NEK10: variants seen among roughly 807,000 people sequenced by gnomAD.
NEK10 encodes NIMA related kinase 10, also known as serine/threonine-protein kinase Nek10.
NEK10 carries 122 observed loss-of-function variants against 159.8 expected under a neutral mutation model. That is an observed-to-expected ratio of 0.76 (90% CI 0.66 to 0.89). The LOEUF is 0.89. Among genes scored for constraint, NEK10 ranks in the 40% least tolerant of loss-of-function variants. The pLI, the probability that NEK10 is intolerant of heterozygous loss-of-function variation, is 0.00. For missense variants in NEK10, 1,342 were observed against 1,323.1 expected, an observed-to-expected ratio of 1.01 and a Z score of -0.22; for synonymous variants, 466 against 457.1, an observed-to-expected ratio of 1.02 and a Z score of -0.25.
At chr3:27,129,568 G>T (rs1344859126) in intron 32 of NEK10, among the ~76,000 whole-genome samples, 1 of 152,118 alleles carries the variant, frequency 6.6e-6, no homozygotes, top group Admixed American at 6.6e-5. Context: ...TTTAAGTTTA[G>T]ATGAAGGCAG....
At chr3:27,259,762 A>C (rs2040231674) in intron 22 of NEK10, among the ~76,000 whole-genome samples, 1 of 152,180 alleles carries the variant, frequency 6.6e-6, no homozygotes, top group Admixed American at 6.5e-5. Flanking sequence ...GAAGAAAATC[A>C]TTGGTAGCTT....
At chr3:27,296,723 TATA>T (rs1186670909) in intron 14 of NEK10, among the ~76,000 whole-genome samples, 1 of 152,204 alleles carries the variant, frequency 6.6e-6, no homozygotes, top group African/African-American at 2.4e-5. Context: ...TAGCTGTACA[TATA>T]GTAGATTAAT....
chr3:27,297,261 T>C (rs1433343425), intron 13 of NEK10, 21 bp from the exon 14 acceptor site: 2 of 1,533,348 alleles, frequency 1.3e-6, no homozygotes, highest in South Asian at 1.1e-5. Context: ...AACAATCAAA[T>C]GCATAGTGTG....
chr3:27,129,995 C>G (rs1942422652), intron 32 of NEK10, among the ~76,000 whole-genome samples: 1 of 151,950 alleles, frequency 6.6e-6, no homozygotes, highest in Non-Finnish European at 1.5e-5. Context: ...AGGCCTGCCT[C>G]TCTGACTAAG....
At chr3:27,246,543 G>C (rs1266621442) in intron 23 of NEK10, among the ~76,000 whole-genome samples, 1 of 152,070 alleles carries the variant, frequency 6.6e-6, no homozygotes. Context: ...CAAGCATTGT[G>C]TTAAAACAAT....
chr3:27,131,535 T>C (rs989219692), intron 32 of NEK10, among the ~76,000 whole-genome samples: 3 of 152,112 alleles, frequency 2.0e-5, no homozygotes, highest in African/African-American at 7.2e-5. Context: ...TTCTTCAGAG[T>C]GACAAATCTC....
At chr3:27,336,826 T>A (rs2046836349) in intron 5 of NEK10, among the ~76,000 whole-genome samples, 1 of 152,074 alleles carries the variant, frequency 6.6e-6, no homozygotes. Context: ...CTCAACAAAC[T>A]ACGCATAGAA....
At chr3:27,365,619 T>TTTTTTTTTTTTTTTG (rs1559571627) in intron 1 of NEK10, among the ~76,000 whole-genome samples, 5 of 137,826 alleles carry the variant, frequency 3.6e-5, no homozygotes, top group African/African-American at 5.5e-5. Context: ...TGTTTTTTTT[T>TTTTTTTTTTTTTTTG]TTTTTTTTTT....
intron 22 of NEK10, 67 bp downstream of exon 22, chr3:27,284,535 G>T: frequency 2.2e-6 from 2 of 897,474 alleles, no homozygotes; most frequent in Non-Finnish European, 3.7e-6. Context: ...AGTTCTACTG[G>T]ACACTACTAC....
At chr3:27,331,262 A>AAAAACACAC in intron 5 of NEK10, among the ~76,000 whole-genome samples, 4 of 110,144 alleles carry the variant, frequency 3.6e-5, no homozygotes, top group African/African-American at 1.2e-4. Flanking sequence ...AAAAAAAAAA[A>AAAAACACAC]ACACACAAAC....
rs1299626375 is a variant in NEK10, at chr3:27,131,959, CT to C, written c.3001del (p.Arg1001GlufsTer4). 6.2e-7 allele frequency: 1 copy of C among 1,608,144 alleles called. No homozygotes were observed. Among genetic ancestry groups the C allele is most frequent in the East Asian group, 2.2e-5 (1 of 44,750 alleles). On this transcript the variant is annotated frameshift_variant, in exon 32 of 36. Transcript: ENST00000691995. LOFTEE classifies it high-confidence loss of function. ...LPPALHHNLK[R>X]RVIERFKKSL... ...TTTCTTGAATCTCTCTATAACCCTT[CT>C]TTTCAAATTGTGGTGCAAAGCTGGA...
intron 9 of NEK10, chr3:27,310,099 C>T (rs2044570610): frequency 6.6e-6 from 1 of 152,090 alleles, no homozygotes; most frequent in East Asian, 1.9e-4. Flanking sequence ...GGATTTTTTG[C>T]CTTTATGATT....
intron 23 of NEK10, among the ~76,000 whole-genome samples, chr3:27,241,820 G>A (rs957233227): frequency 6.6e-6 from 1 of 152,220 alleles, no homozygotes; most frequent in Non-Finnish European, 1.5e-5. Flanking sequence ...GTAAGTGCAG[G>A]AAGAGCAAAG....
chr3:27,320,122 G>A (rs372273254), intron 6 of NEK10, among the ~76,000 whole-genome samples: 16 of 152,224 alleles, frequency 1.1e-4, no homozygotes, highest in Middle Eastern at 3.4e-3. Flanking sequence ...GGACAGACTC[G>A]GAGATAATTC....
At chr3:27,271,742 T>A (rs1014211134) in intron 22 of NEK10, among the ~76,000 whole-genome samples, 1 of 152,160 alleles carries the variant, frequency 6.6e-6, no homozygotes, top group Non-Finnish European at 1.5e-5. Flanking sequence ...GTGATCATAT[T>A]TGGAGAAGAA....
intron 26 of NEK10, among the ~76,000 whole-genome samples, chr3:27,178,799 T>C (rs1947777626): frequency 6.6e-6 from 1 of 152,202 alleles, no homozygotes; most frequent in Admixed American, 6.5e-5. Flanking sequence ...GATAGGAACC[T>C]TTTCTCCAGG....
chr3:27,250,243 G>C (rs928160480), intron 23 of NEK10, among the ~76,000 whole-genome samples: 2 of 151,194 alleles, frequency 1.3e-5, no homozygotes, highest in Admixed American at 1.3e-4. Flanking sequence ...CTGGAGTGCA[G>C]TAGCACGATC....
chr3:27,368,409 G>A (rs1381233587), intron 1 of NEK10, among the ~76,000 whole-genome samples: 1 of 152,104 alleles, frequency 6.6e-6, no homozygotes, highest in East Asian at 1.9e-4. Flanking sequence ...TAGAATCGGA[G>A]AAGCCAGATG....
intron 23 of NEK10, among the ~76,000 whole-genome samples, chr3:27,253,781 T>G (rs1313037671): frequency 1.3e-5 from 2 of 152,120 alleles, no homozygotes. Flanking sequence ...AGGTCCACAT[T>G]TATAGGCTCA....
Sources: allele counts gnomAD v4.1 joint callset (sites outside exome capture counted in the v4.1 genomes callset), GRCh38; gene constraint gnomAD v4.1.1; transcripts MANE v1.5; gene names NCBI Gene and HGNC (gene_info 2026-07-23, HGNC 2026-07-21).